The following OCM2 variants were observed in gnomAD, a reference collection of about 807,000 sequenced individuals.
OCM2 encodes the protein oncomodulin 2.
Under a neutral mutation model 13.6 loss-of-function variants are expected in OCM2, and 6 were observed. The ratio of observed to expected loss-of-function variants is 0.44; its 90% CI spans 0.24 to 0.87. The LOEUF is 0.87. Among genes scored for constraint, OCM2 ranks in the 40% least tolerant of loss-of-function variants. The pLI is 0.22. For missense variants in OCM2, 118 were observed against 136.8 expected, an observed-to-expected ratio of 0.86 and a Z score of 0.68; for synonymous variants, 40 against 50.7, an observed-to-expected ratio of 0.79 and a Z score of 0.90.
intron 1 of OCM2, 29 bp downstream of exon 1, chr7:97,990,015 A>AGGGGAC: frequency 1.3e-6 from 1 of 780,804 alleles, no homozygotes; most frequent in Non-Finnish European, 2.2e-6. Flanking sequence ...CTGTGAGGAA[A>AGGGGAC]TCCCACCCCC....
intron 1 of OCM2, 28 bp downstream of exon 1, chr7:97,990,016 T>TGGGGCCC: frequency 9.2e-7 from 1 of 1,083,836 alleles, no homozygotes; most frequent in Non-Finnish European, 1.4e-6. Context: ...TGTGAGGAAA[T>TGGGGCCC]CCCACCCCCG....
chr7:97,989,405 A>ATTTAT (rs1794708253), intron 1 of OCM2, among the ~76,000 whole-genome samples: 1 of 148,866 alleles, frequency 6.7e-6, no homozygotes, highest in Non-Finnish European at 1.5e-5. Context: ...TTATTTATTT[A>ATTTAT]TTTATTTATT....
chr7:97,987,879 A>G (rs564846725), intron 2 of OCM2, among the ~76,000 whole-genome samples: 2 of 152,170 alleles, frequency 1.3e-5, no homozygotes, highest in African/African-American at 4.8e-5. Flanking sequence ...CCATTTGCCA[A>G]AGGAAATCCC....
intron 2 of OCM2, among the ~76,000 whole-genome samples, chr7:97,987,520 A>AT (rs1206293103): frequency 3.8e-4 from 56 of 147,554 alleles, no homozygotes; most frequent in African/African-American, 9.2e-4. Flanking sequence ...TAACATTTGT[A>AT]TTTTTTTTTT....
intron 3 of OCM2, 89 bp from the exon 4 acceptor site, chr7:97,985,072 A>T (rs1346398300): frequency 1.9e-6 from 3 of 1,566,178 alleles, no homozygotes; most frequent in Non-Finnish European, 2.6e-6. Context: ...CAAAGAGGGA[A>T]GGAAGCAAAG....
At position 97,986,984 on chromosome 7, in the gene OCM2, C is replaced by A; in HGVS notation, c.304+63G>T. 3.7e-6 allele frequency: 6 copies of A among 1,607,592 alleles called. No homozygotes were observed. The South Asian group carries it at 6.6e-5, about 18-fold the overall frequency. The stretch of plus-strand genomic sequence containing the variant: ...AGCCACATTGGTTTGATCTCACAGC[C>A]CAACCCCTCACGGATGCTTCCTGAG... On this transcript the variant is annotated intron_variant, in intron 3 of 3. Coordinates refer to ENST00000257627, the Ensembl canonical transcript of OCM2.
chr7:97,985,462 A>T (rs1794661651), intron 3 of OCM2, among the ~76,000 whole-genome samples: 2 of 151,806 alleles, frequency 1.3e-5, no homozygotes, highest in African/African-American at 4.8e-5. Flanking sequence ...AAAGAAAAAA[A>T]CCCTGGGTAT....
chr7:97,987,291 G>C, intron 2 of OCM2, 135 bp from the exon 3 acceptor site: 3 of 963,320 alleles, frequency 3.1e-6, no homozygotes, highest in South Asian at 3.2e-5. Flanking sequence ...GCAAGCAAAG[G>C]TTTCCTTAAG....
intron 3 of OCM2, among the ~76,000 whole-genome samples, chr7:97,985,418 C>CAA (rs60506626): frequency 2.2e-3 from 195 of 89,628 alleles, no homozygotes; most frequent in East Asian, 3.2e-3. Context: ...GACTCCATCT[C>CAA]AAAAAAAAAA....
Position 97,988,472 on chromosome 7 carries a change from A to G in OCM2, c.138T>C (p.Asp46=), listed in dbSNP as rs749773834. The change falls in exon 2 of 4, where the codon GAT becomes GAC. Residue 46 remains aspartate, a synonymous_variant. Coordinates refer to ENST00000257627, the Ensembl canonical transcript of OCM2. ...GGTCGTTGTCTATGAACCGGAAAAC[A>G]TCCTTCACCTGACTGGCTGACATCT... is the stretch of plus-strand genomic sequence containing the variant. 20 of 1,614,034 alleles carry G rather than the reference A, an allele frequency of 1.2e-5. No homozygotes were observed. The South Asian group carries it at 1.4e-4, about 12-fold the overall frequency.
intron 3 of OCM2, among the ~76,000 whole-genome samples, chr7:97,986,310 A>C (rs1262913066): frequency 8.6e-6 from 1 of 115,952 alleles, no homozygotes; most frequent in African/African-American, 3.9e-5. Context: ...ATAGTGGTAT[A>C]ATTTTGAACA....
chr7:97,990,016 T>TGGGGCCG, intron 1 of OCM2, 28 bp downstream of exon 1: 1 of 1,083,840 alleles, frequency 9.2e-7, no homozygotes, highest in Non-Finnish European at 1.4e-6. Context: ...TGTGAGGAAA[T>TGGGGCCG]CCCACCCCCG....
intron 3 of OCM2, among the ~76,000 whole-genome samples, chr7:97,986,719 G>A (rs894983317): frequency 8.6e-5 from 13 of 152,046 alleles, no homozygotes; most frequent in East Asian, 1.9e-4. Context: ...GAAATACCTC[G>A]CGCTATATGC....
chr7:97,988,986 A>G (rs1008054172), intron 1 of OCM2, among the ~76,000 whole-genome samples: 2 of 145,840 alleles, frequency 1.4e-5, no homozygotes, highest in South Asian at 2.2e-4. Flanking sequence ...GCTGGAGTGC[A>G]GTGGCGTGAT....
chr7:97,987,285 G>A (rs1221344662), intron 2 of OCM2, 129 bp from the exon 3 acceptor site: 110 of 1,016,824 alleles, frequency 1.1e-4, no homozygotes, highest in East Asian at 6.5e-4. Flanking sequence ...GTCTTAGCAA[G>A]CAAAGGTTTC....
intron 3 of OCM2, among the ~76,000 whole-genome samples, chr7:97,986,620 A>T (rs1794674320): frequency 6.6e-6 from 1 of 152,174 alleles, no homozygotes; most frequent in Non-Finnish European, 1.5e-5. Flanking sequence ...ACCCTTGAAG[A>T]TGAAGAGGCC....
At chr7:97,986,071 C>T (rs901895181) in intron 3 of OCM2, among the ~76,000 whole-genome samples, 3 of 152,044 alleles carry the variant, frequency 2.0e-5, no homozygotes, top group African/African-American at 7.2e-5. Flanking sequence ...CACCACCATG[C>T]CCGGCTAATT....
chr7:97,986,388 A>G (rs1461729853), intron 3 of OCM2, among the ~76,000 whole-genome samples: 1 of 152,050 alleles, frequency 6.6e-6, no homozygotes, highest in Non-Finnish European at 1.5e-5. Flanking sequence ...CAGAAGGACC[A>G]CCATACATTC....
intron 3 of OCM2, among the ~76,000 whole-genome samples, chr7:97,986,638 G>A (rs1159368722): frequency 2.0e-5 from 3 of 152,090 alleles, no homozygotes; most frequent in South Asian, 2.1e-4. Flanking sequence ...GCCTTCCTAC[G>A]CATGCCAATG....
Sources: allele counts gnomAD v4.1 joint callset (sites outside exome capture counted in the v4.1 genomes callset), GRCh38; gene constraint gnomAD v4.1.1; transcripts MANE v1.5; gene names NCBI Gene and HGNC (gene_info 2026-07-23, HGNC 2026-07-21).